VPS37A: variants seen among roughly 807,000 people sequenced by gnomAD.
VPS37A encodes the protein VPS37A subunit of ESCRT-I.
In VPS37A, 30 loss-of-function variants were observed where a neutral mutation model predicts 49.8. That is an observed-to-expected ratio of 0.60 (90% confidence interval 0.45 to 0.82). The LOEUF (loss-of-function observed/expected upper bound fraction) is 0.82. VPS37A is among the 40% of genes least tolerant of loss of function. VPS37A has a pLI of 0.00. For missense variants in VPS37A, 593 were observed against 464.4 expected, an observed-to-expected ratio of 1.28 and a Z score of -2.55; for synonymous variants, 195 against 160.6, an observed-to-expected ratio of 1.21 and a Z score of -1.62.
intron 9 of VPS37A, 116 bp downstream of exon 9, chr8:17,280,559 T>C (rs192584902): frequency 8.6e-5 from 77 of 892,130 alleles, no homozygotes; most frequent in African/African-American, 7.8e-4. Context: ...TCTGACCTTA[T>C]AAGACATGAT....
rs1816691264 is a variant in VPS37A, at chr8:17,296,906, A to T, written c.*1920A>T. 1 of 152,218 alleles carries T rather than the reference A, an allele frequency of 6.6e-6. No individual in the cohort carries two copies. Among genetic ancestry groups the T allele is most frequent in the African/African-American group, 2.4e-5 (1 of 41,458 alleles). The allele number at this position is 152,218 out of a possible 1,614,324, so 9.4% of individuals were successfully genotyped here. A position where few individuals can be genotyped will look rare whatever the true frequency, so the allele number is the denominator to read the frequency against. The stretch of plus-strand genomic sequence containing the variant: ...AGTCATGAAACAGAGCAGTGTGATC[A>T]GTTATCTGCATTTAACAAATAGACA... On this transcript the variant is annotated 3_prime_UTR_variant, in exon 12 of 12. Transcript: ENST00000324849.
chr8:17,309,346 A>G, the VPS37A span: 2 of 1,516,082 alleles, frequency 1.3e-6, no homozygotes, highest in African/African-American at 1.4e-5. Context: ...AAAGAATACA[A>G]ATATCTTGGA....
At chr8:17,310,717 G>A in the VPS37A span, among the ~76,000 whole-genome samples, 4 of 152,160 alleles carry the variant, frequency 2.6e-5, no homozygotes, top group South Asian at 2.1e-4. Context: ...GCTCTTGTCC[G>A]AGGGTGTTGC....
downstream of VPS37A, chr8:17,305,897 C>G (rs768423596): frequency 6.2e-7 from 1 of 1,613,774 alleles, no homozygotes; most frequent in Non-Finnish European, 8.5e-7. Flanking sequence ...GCCAAACACA[C>G]TCAATGAACT....
chr8:17,255,740 C>A (rs1812391066), intron 1 of VPS37A, among the ~76,000 whole-genome samples: 2 of 152,098 alleles, frequency 1.3e-5, no homozygotes, highest in Non-Finnish European at 2.9e-5. Flanking sequence ...AACCATCACG[C>A]TACTTTCTTT....
chr8:17,306,599 A>T (rs1254315058), downstream of VPS37A, among the ~76,000 whole-genome samples: 4 of 152,114 alleles, frequency 2.6e-5, no homozygotes, highest in African/African-American at 9.7e-5. Context: ...AGCCCTTTAC[A>T]CTACTGTGTG....
chr8:17,265,675 T>G (rs778803924), intron 1 of VPS37A: 112 of 1,163,292 alleles, frequency 9.6e-5, no homozygotes, highest in Non-Finnish European at 1.3e-4. Context: ...CTTGCCTCTT[T>G]ACATCATCAT....
At chr8:17,286,800 C>T (rs1378684140) in intron 11 of VPS37A, among the ~76,000 whole-genome samples, 2 of 152,138 alleles carry the variant, frequency 1.3e-5, no homozygotes, top group African/African-American at 4.8e-5. Context: ...TCCAGCCAGT[C>T]TCTTTCTCTA....
chr8:17,249,857 G>A lies in VPS37A; in HGVS notation c.125+2488G>A, dbSNP rs189318698. ...CTTCAGAAATGAAGCCCCAGAGACC[G>A]AAGGAAAACTGTCTGTATTTATGAT... is the stretch of plus-strand genomic sequence containing the variant. On this transcript the variant is annotated intron_variant, in intron 1 of 11. Transcript: ENST00000324849. Among the ~76,000 whole-genome samples the A allele has an allele frequency of 2.8e-4, 42 of 152,318 alleles. 1 individual carries two copies. Among genetic ancestry groups the A allele is most frequent in the African/African-American group, 9.4e-4 (39 of 41,570 alleles).
At chr8:17,305,774 C>G (rs1307647631), downstream of VPS37A, 26 of 1,612,046 alleles carry the variant, frequency 1.6e-5, no homozygotes, top group Non-Finnish European at 1.9e-5. Flanking sequence ...CTCGTCTCTC[C>G]TTTTGGCTGT....
intron 5 of VPS37A, 58 bp downstream of exon 5, chr8:17,275,016 A>G (rs1290053557): frequency 1.4e-6 from 2 of 1,461,728 alleles, no homozygotes; most frequent in East Asian, 4.6e-5. Flanking sequence ...CAATCCACAC[A>G]CCTTTATTAC....
chr8:17,289,159 G>T (rs1292971931), intron 11 of VPS37A, among the ~76,000 whole-genome samples: 1 of 152,180 alleles, frequency 6.6e-6, no homozygotes. Context: ...TAGGTGGCCT[G>T]TTGATTCTGA....
At chr8:17,258,366 T>C (rs903649936) in intron 1 of VPS37A, among the ~76,000 whole-genome samples, 1 of 152,158 alleles carries the variant, frequency 6.6e-6, no homozygotes, top group Non-Finnish European at 1.5e-5. Flanking sequence ...AGGATTTTAT[T>C]GAGTGCTTTT....
chr8:17,257,040 T>C (rs1812530803), intron 1 of VPS37A, among the ~76,000 whole-genome samples: 3 of 152,246 alleles, frequency 2.0e-5, no homozygotes, highest in Admixed American at 6.5e-5. Context: ...TGTTTTCTTC[T>C]AGTAGTTCCA....
At chr8:17,260,814 A>G (rs1812897360) in intron 1 of VPS37A, among the ~76,000 whole-genome samples, 1 of 152,084 alleles carries the variant, frequency 6.6e-6, no homozygotes, top group Non-Finnish European at 1.5e-5. Flanking sequence ...TCTGGCCTAT[A>G]TGGTTCTCAT....
chr8:17,258,464 CT>C (rs1191576609), intron 1 of VPS37A, among the ~76,000 whole-genome samples: 9 of 152,178 alleles, frequency 5.9e-5, no homozygotes, highest in African/African-American at 2.2e-4. Flanking sequence ...ATATATTGCA[CT>C]GTCCTTGCAT....
chr8:17,300,245 T>G (rs1817027922), downstream of VPS37A: 3 of 1,584,636 alleles, frequency 1.9e-6, no homozygotes, highest in Admixed American at 1.9e-5. Context: ...AATAACAATT[T>G]CAGGGGAAAA....
the VPS37A span, among the ~76,000 whole-genome samples, chr8:17,317,008 G>A: frequency 4.6e-5 from 7 of 152,198 alleles, no homozygotes; most frequent in East Asian, 1.4e-3. Context: ...ACTAATACTT[G>A]GTAATGCTGA....
At chr8:17,248,339 A>T (rs768042638) in intron 1 of VPS37A, 14 of 443,874 alleles carry the variant, frequency 3.2e-5, no homozygotes, top group South Asian at 2.0e-4. Context: ...ATCTCGGTTC[A>T]CTGCAACCTC....
Sources: gnomAD v4.1 joint callset for allele counts (sites outside exome capture counted in the v4.1 genomes callset) on GRCh38, gnomAD v4.1.1 for gene constraint, MANE v1.5 for transcripts, NCBI Gene and HGNC (gene_info 2026-07-23, HGNC 2026-07-21) for gene names.